PCDH10: variants seen among roughly 807,000 people sequenced by gnomAD.
PCDH10 encodes protocadherin 10.
A neutral mutation model predicts 74.4 loss-of-function variants in PCDH10; 15 were observed. The ratio of observed to expected loss-of-function variants is 0.20; its 90% CI spans 0.13 to 0.31. The LOEUF is 0.31. Among genes scored for constraint, PCDH10 ranks in the 10% least tolerant of loss-of-function variants. The pLI, the probability that PCDH10 is intolerant of heterozygous loss-of-function variation, is 1.00. For missense variants in PCDH10, 1,260 were observed against 1,390.2 expected, an observed-to-expected ratio of 0.91 and a Z score of 1.49; for synonymous variants, 619 against 589.8, an observed-to-expected ratio of 1.05 and a Z score of -0.72.
chr4:133,185,082 TTTGAA>T (rs1244428976), intron 4 of PCDH10, among the ~76,000 whole-genome samples: 1 of 148,540 alleles, frequency 6.7e-6, no homozygotes, highest in African/African-American at 2.4e-5. Flanking sequence ...AATATTATTA[TTTGAA>T]TTGATTTGAG....
downstream of PCDH10, among the ~76,000 whole-genome samples, chr4:133,195,512 C>A (rs940537222): frequency 5.3e-5 from 8 of 152,002 alleles, no homozygotes; most frequent in Non-Finnish European, 1.2e-4. Context: ...GAAATATAGA[C>A]TCTTTAAGAT....
At chr4:133,204,225 G>A (rs528254774) in intron 2 of PCDH10, among the ~76,000 whole-genome samples, 91 of 152,282 alleles carry the variant, frequency 6.0e-4, no homozygotes, top group Middle Eastern at 3.4e-3. Context: ...CAACCTGGGA[G>A]CCATGCTTAA....
At chr4:133,197,968 ATT>A (rs1727826183), downstream of PCDH10, among the ~76,000 whole-genome samples, 1 of 77,864 alleles carries the variant, frequency 1.3e-5, no homozygotes, top group Non-Finnish European at 2.5e-5. Context: ...TTCTCTCAAA[ATT>A]GTGTGTGTGT....
intron 2 of PCDH10, among the ~76,000 whole-genome samples, chr4:133,205,723 A>G (rs1727986814): frequency 6.6e-6 from 1 of 151,726 alleles, no homozygotes; most frequent in African/African-American, 2.4e-5. Flanking sequence ...TTTCTAGGGT[A>G]TTTTCTTATG....
At chr4:133,177,450 A>G (rs1727317615) in intron 4 of PCDH10, among the ~76,000 whole-genome samples, 1 of 152,126 alleles carries the variant, frequency 6.6e-6, no homozygotes. Flanking sequence ...TCTCTGTGTA[A>G]TTCTCATGTT....
At chr4:133,155,424 TCA>T (rs1270157624) in intron 3 of PCDH10, among the ~76,000 whole-genome samples, 1 of 152,186 alleles carries the variant, frequency 6.6e-6, no homozygotes, top group African/African-American at 2.4e-5. Flanking sequence ...CTGCACAAGG[TCA>T]CAAGAAGATA....
At chr4:133,156,750 G>A (rs1726874701) in intron 3 of PCDH10, among the ~76,000 whole-genome samples, 1 of 152,124 alleles carries the variant, frequency 6.6e-6, no homozygotes, top group East Asian at 1.9e-4. Context: ...CAATCTCAAT[G>A]AACATTTCAA....
intron 4 of PCDH10, among the ~76,000 whole-genome samples, chr4:133,178,143 A>C: frequency 6.9e-6 from 1 of 143,890 alleles, no homozygotes; most frequent in Admixed American, 6.8e-5. Context: ...GTAGACCAAG[A>C]AACATTTTGA....
rs960680369 is a variant in PCDH10 at position 133,191,534 on chromosome 4, A to G, written c.*1374A>G. ...CCTTCAAAAGTTAAGCTTGCCTTTT[A>G]CTTTTATGTCAACAATATTAATTAT... is the stretch of plus-strand genomic sequence containing the variant. On this transcript the variant is annotated 3_prime_UTR_variant, in exon 5 of 5. Coordinates refer to ENST00000264360, the MANE Select transcript of PCDH10 (RefSeq NM_032961.3). 2.0e-5 allele frequency: 3 copies of G among 152,172 alleles called. No homozygotes were observed. Among genetic ancestry groups the G allele is most frequent in the Non-Finnish European group, 3.0e-5 (2 of 67,762 alleles). 9.4% of individuals were successfully genotyped at this position (152,172 alleles called of 1,614,324 possible).
At chr4:133,172,633 C>T (rs1578568722) in intron 4 of PCDH10, among the ~76,000 whole-genome samples, 1 of 151,978 alleles carries the variant, frequency 6.6e-6, no homozygotes, top group Non-Finnish European at 1.5e-5. Context: ...AGCATTACTA[C>T]TATCCTAGTC....
intron 4 of PCDH10, among the ~76,000 whole-genome samples, chr4:133,169,861 A>G (rs2125866009): frequency 6.6e-6 from 1 of 152,070 alleles, no homozygotes; most frequent in East Asian, 1.9e-4. Flanking sequence ...CTTTTAATAG[A>G]AATTAGATCA....
chr4:133,163,149 A>C lies in PCDH10; in HGVS notation c.2970A>C (p.Pro990=), dbSNP rs1274515953. ...CAGACACTGAGGTGTTTGAAACTCC[A>C]GAAGCCCAGCCTGGGGCAGAGCGGT... ...SVPDTEVFET[P]EAQPGAERSF... The change falls in exon 4 of 5, where the codon CCA becomes CCC. Residue 990 remains proline, a synonymous_variant. Transcript: ENST00000264360. The C allele has an allele frequency of 1.2e-6, 2 of 1,614,070 alleles. No individual in the cohort carries two copies. Among genetic ancestry groups the C allele is most frequent in the South Asian group, 2.2e-5 (2 of 91,090 alleles).
intron 2 of PCDH10, among the ~76,000 whole-genome samples, chr4:133,201,322 C>T (rs2125877629): frequency 6.6e-6 from 1 of 152,192 alleles, no homozygotes; most frequent in Non-Finnish European, 1.5e-5. Flanking sequence ...GGTATTCTCA[C>T]CGTAGGATTA....
In PCDH10 at chr4:133,190,301, G is replaced by A; in HGVS notation, c.*141G>A. The A allele has an allele frequency of 2.7e-6, 2 of 734,130 alleles. No homozygotes were observed. The highest frequency in any genetic ancestry group is 3.1e-5 in the South Asian group (2 of 65,180). 45.5% of individuals were successfully genotyped at this position (734,130 alleles called of 1,614,324 possible). ...TTAGATTTCGGATGGAGTCATCATG[G>A]CCAATTATAGGACCTAATTGCTCTC... is the stretch of plus-strand genomic sequence containing the variant. On this transcript the variant is annotated 3_prime_UTR_variant, in exon 5 of 5. Coordinates refer to ENST00000264360, the MANE Select transcript of PCDH10 (RefSeq NM_032961.3).
At chr4:133,157,797 T>C (rs976638683) in intron 3 of PCDH10, among the ~76,000 whole-genome samples, 1 of 152,202 alleles carries the variant, frequency 6.6e-6, no homozygotes, top group Non-Finnish European at 1.5e-5. Context: ...TATGAATAGT[T>C]TTCTTTTTTT....
intron 4 of PCDH10, among the ~76,000 whole-genome samples, chr4:133,168,244 T>C (rs1727127661): frequency 6.6e-6 from 1 of 151,346 alleles, no homozygotes; most frequent in South Asian, 2.1e-4. Flanking sequence ...GGTGCAGATA[T>C]GAAACACAGC....
intron 2 of PCDH10, among the ~76,000 whole-genome samples, chr4:133,201,375 A>C (rs2125877651): frequency 6.6e-6 from 1 of 152,304 alleles, no homozygotes; most frequent in African/African-American, 2.4e-5. Flanking sequence ...TAGATGGATG[A>C]GAATGACAGC....
rs1469354669 is a variant in PCDH10, at chr4:133,151,191, G to T, written c.1051G>T (p.Ala351Ser). 1.9e-6 allele frequency: 3 copies of T among 1,614,166 alleles called. No homozygotes were observed. Among genetic ancestry groups the T allele is most frequent in the South Asian group, 1.1e-5 (1 of 91,088 alleles). Residue 351 changes from alanine to serine, a missense_variant, in exon 1 of 5, where the codon GCT (alanine) becomes TCT (serine). Physicochemically the swap from Ala to Ser is moderately conservative, Grantham distance 99 (BLOSUM62 1). Coordinates refer to ENST00000264360, the MANE Select transcript of PCDH10 (RefSeq NM_032961.3). ...CAAGGTGCTAGTGCGAGTACTGGAT[G>T]CTAATGACAACGCGCCAGAGATCAG... ...HCKVLVRVLD[A>S]NDNAPEISFS... is the part of the protein sequence containing the mutation.
Position 133,152,771 on chromosome 4 carries a change from G to GGTAA in PCDH10, c.2631+2_2631+5dup. ...CCAACGGAAGCATTTTGTCCAACGA[G>GGTAA]GTAAGGCTGAAGCGAAAGGACCACC... On this transcript the variant is annotated frameshift_variant and splice_region_variant. Coordinates refer to ENST00000264360, the MANE Select transcript of PCDH10 (RefSeq NM_032961.3). LOFTEE classifies it high-confidence loss of function. 1 of 1,614,216 alleles carries GGTAA rather than the reference G, an allele frequency of 6.2e-7. No individual in the cohort carries two copies. Among genetic ancestry groups the GGTAA allele is most frequent in the South Asian group, 1.1e-5 (1 of 91,078 alleles).
Sources: allele counts gnomAD v4.1 joint callset (sites outside exome capture counted in the v4.1 genomes callset), GRCh38; gene constraint gnomAD v4.1.1; transcripts MANE v1.5; gene names NCBI Gene and HGNC (gene_info 2026-07-23, HGNC 2026-07-21).